SORD: variants seen among roughly 807,000 people sequenced by gnomAD.
The protein encoded by SORD is sorbitol dehydrogenase.
A neutral mutation model predicts 35.6 loss-of-function variants in SORD; 18 were observed. That is an observed-to-expected ratio of 0.51 (90% confidence interval 0.35 to 0.75). The LOEUF (loss-of-function observed/expected upper bound fraction) is 0.75, where lower values mean the gene tolerates loss of function less well. Ranked by LOEUF, SORD falls within the 30% of genes least tolerant of loss-of-function variation. The pLI is 0.01. For synonymous variants in SORD, 106 were observed against 152.9 expected, an observed-to-expected ratio of 0.69 and a Z score of 2.26; for missense variants, 250 against 390.2, an observed-to-expected ratio of 0.64 and a Z score of 3.03.
intron 1 of SORD, among the ~76,000 whole-genome samples, chr15:45,036,564 T>C (rs368248883): frequency 6.6e-6 from 1 of 152,014 alleles, no homozygotes; most frequent in African/African-American, 2.4e-5. Flanking sequence ...CAGCGTGGCA[T>C]GCACCTGTAA....
intron 1 of SORD, among the ~76,000 whole-genome samples, chr15:45,035,302 T>G (rs1174652857): frequency 6.6e-6 from 1 of 151,894 alleles, no homozygotes; most frequent in African/African-American, 2.4e-5. Context: ...GGCTCCTGAG[T>G]CTAGTGGGAA....
At chr15:45,062,945 T>C (rs1893345064) in intron 4 of SORD, among the ~76,000 whole-genome samples, 1 of 147,752 alleles carries the variant, frequency 6.8e-6, no homozygotes, top group Non-Finnish European at 1.5e-5. Flanking sequence ...GTCTGGCACA[T>C]AGTAAATGCT....
intron 5 of SORD, among the ~76,000 whole-genome samples, chr15:45,066,542 C>T (rs1286445648): frequency 6.6e-6 from 1 of 152,136 alleles, no homozygotes; most frequent in East Asian, 1.9e-4. Context: ...GTGGTCTGCT[C>T]CCACACCACT....
intron 1 of SORD, 119 bp downstream of exon 1, chr15:45,023,468 G>C: frequency 1.1e-6 from 1 of 877,702 alleles, no homozygotes; most frequent in South Asian, 2.6e-5. Flanking sequence ...AAGCGCCCTG[G>C]CTGCCCAGAT....
In SORD at chr15:45,075,746, CCT is replaced by C. The variant is rs1374878236; in HGVS notation, c.*2221_*2222del. 1.9e-5 allele frequency: 2 copies of C among 105,482 alleles called. No homozygotes were observed. Among genetic ancestry groups the C allele is most frequent in the Non-Finnish European group, 3.4e-5 (2 of 59,348 alleles). 6.5% of individuals were successfully genotyped at this position (105,482 alleles called of 1,614,324 possible). Reference sequence around the variant, plus strand: ...GCAAATATCCCATAAATCCTATTTGCCTCTCTTTCTCCTAACCTCTGGCTCCA... The same window carrying C: ...GCAAATATCCCATAAATCCTATTTGCCTCTTTCTCCTAACCTCTGGCTCCA... On this transcript the variant is annotated 3_prime_UTR_variant, in exon 9 of 9. Coordinates refer to ENST00000267814, the MANE Select transcript of SORD (RefSeq NM_003104.6).
At chr15:45,034,784 G>T (rs1483916831) in intron 1 of SORD, among the ~76,000 whole-genome samples, 1 of 152,240 alleles carries the variant, frequency 6.6e-6, no homozygotes, top group Admixed American at 6.5e-5. Flanking sequence ...CCCCTTTCTG[G>T]GTTGGCCAAG....
At chr15:45,059,057 A>T (rs1041137728) in intron 3 of SORD, among the ~76,000 whole-genome samples, 1 of 151,956 alleles carries the variant, frequency 6.6e-6, no homozygotes, top group Non-Finnish European at 1.5e-5. Context: ...AGGCATTTCT[A>T]TGTTGGGCCT....
At chr15:45,049,375 A>T (rs1595501695) in intron 3 of SORD, among the ~76,000 whole-genome samples, 1 of 152,066 alleles carries the variant, frequency 6.6e-6, no homozygotes. Context: ...GGCTTATCTA[A>T]GGGTCCTCAG....
At position 45,073,548 on chromosome 15, in the gene SORD, C is replaced by A. The variant is rs369894585; in HGVS notation, c.*18C>A. 6.3e-7 allele frequency: 1 copy of A among 1,599,024 alleles called. No individual in the cohort carries two copies. The highest frequency in any genetic ancestry group is 8.5e-7 in the Non-Finnish European group (1 of 1,175,592). On this transcript the variant is annotated 3_prime_UTR_variant, in exon 9 of 9. Coordinates refer to ENST00000267814, the MANE Select transcript of SORD (RefSeq NM_003104.6). ...ATCCCTGATGTTAATGGGCTCTGCC[C>A]TCATCCCCACAGTCTTGGGATCTCA...
chr15:45,050,994 G>A (rs1893115136), intron 3 of SORD, among the ~76,000 whole-genome samples: 2 of 152,200 alleles, frequency 1.3e-5, no homozygotes, highest in African/African-American at 4.8e-5. Flanking sequence ...AGTTCTTCAT[G>A]AGTCCTATAC....
In SORD at chr15:45,039,371, G is replaced by A. The variant is rs547881067; in HGVS notation, c.67-1037G>A. 7.2e-5 allele frequency among the ~76,000 whole-genome samples: 11 copies of A among 152,230 alleles called. No homozygotes were observed. The East Asian group carries it at 7.7e-4, about 11-fold the overall frequency. On this transcript the variant is annotated intron_variant, in intron 1 of 8. Coordinates refer to ENST00000267814, the MANE Select transcript of SORD (RefSeq NM_003104.6). ...TCAAACTCCTGACCTCAAGTGATCC[G>A]CCCGCATCAGCCTCCCAAAGTGCTG... is the stretch of plus-strand genomic sequence containing the variant.
chr15:45,048,836 G>T (rs1267568235), intron 3 of SORD, among the ~76,000 whole-genome samples: 1 of 152,134 alleles, frequency 6.6e-6, no homozygotes, highest in African/African-American at 2.4e-5. Context: ...GAATACAAAG[G>T]TTTTTATAAG....
At chr15:45,071,643 T>C (rs1281477781) in intron 7 of SORD, among the ~76,000 whole-genome samples, 1 of 151,752 alleles carries the variant, frequency 6.6e-6, no homozygotes, top group Non-Finnish European at 1.5e-5. Context: ...CAGAAAGCTC[T>C]GGAACAAGCA....
chr15:45,071,374 C>A (rs1159578264), intron 7 of SORD, among the ~76,000 whole-genome samples: 5 of 152,186 alleles, frequency 3.3e-5, no homozygotes, highest in Non-Finnish European at 7.3e-5. Flanking sequence ...CACTCCCACA[C>A]CACTCAAACC....
At chr15:45,036,271 G>GAGGA (rs1892864356) in intron 1 of SORD, 2 of 450,724 alleles carry the variant, frequency 4.4e-6, no homozygotes, top group Admixed American at 2.4e-5. Flanking sequence ...GACACAAAGA[G>GAGGA]AGGAGTATAT....
intron 2 of SORD, among the ~76,000 whole-genome samples, chr15:45,042,188 T>A (rs7183802): frequency 0.062 from 9,452 of 152,180 alleles, 380 homozygotes; most frequent in South Asian, 0.11. Flanking sequence ...CAGTACCATC[T>A]TTATTTTAAA....
At chr15:45,029,814 G>T (rs1256143565) in intron 1 of SORD, among the ~76,000 whole-genome samples, 1 of 152,274 alleles carries the variant, frequency 6.6e-6, no homozygotes, top group Non-Finnish European at 1.5e-5. Context: ...CTGGAGAGGG[G>T]ATGGGAAGGG....
At chr15:45,028,588 AAATT>A (rs1294119155) in intron 1 of SORD, among the ~76,000 whole-genome samples, 1 of 152,244 alleles carries the variant, frequency 6.6e-6, no homozygotes, top group African/African-American at 2.4e-5. Context: ...AGGAGACAAT[AAATT>A]AAAGGGAAAA....
chr15:45,034,821 G>T (rs1892834480), intron 1 of SORD, among the ~76,000 whole-genome samples: 1 of 152,260 alleles, frequency 6.6e-6, no homozygotes, highest in Non-Finnish European at 1.5e-5. Flanking sequence ...TCAGCTTGCA[G>T]GGAGGTGTGG....
Sources: gnomAD v4.1 joint callset for allele counts (sites outside exome capture counted in the v4.1 genomes callset) on GRCh38, gnomAD v4.1.1 for gene constraint, MANE v1.5 for transcripts, NCBI Gene and HGNC (gene_info 2026-07-23, HGNC 2026-07-21) for gene names.